Variants in GSTP1 observed in about 807,000 individuals in gnomAD.
The protein encoded by GSTP1 is glutathione S-transferase pi 1, also known as glutathione S-transferase P.
A neutral mutation model predicts 29.4 loss-of-function variants in GSTP1; 28 were observed. The ratio of observed to expected loss-of-function variants is 0.95; its 90% CI spans 0.71 to 1.30. GSTP1 has a LOEUF of 1.30. Ranked by LOEUF, GSTP1 falls within the 50% of genes most tolerant of loss-of-function variation. The probability of loss-of-function intolerance (pLI) is 0.00; values close to 1 mark genes in which losing one functional copy is unlikely to be tolerated. For synonymous variants in GSTP1, 122 were observed against 117.0 expected (o/e 1.04, Z -0.28); for missense variants, 267 against 266.1 (o/e 1.00, Z -0.02).
intron 4 of GSTP1, 125 bp from the exon 5 acceptor site, chr11:67,585,013 G>A (rs750254315): frequency 1.2e-5 from 8 of 665,900 alleles, no homozygotes; most frequent in Non-Finnish European, 1.8e-5. Flanking sequence ...ATCCTTCCAC[G>A]CACATCCTCT....
At chr11:67,584,064 G>A (rs551842856) in intron 1 of GSTP1, 70 bp from the exon 2 acceptor site, 2 of 1,301,868 alleles carry the variant, frequency 1.5e-6, no homozygotes, top group Admixed American at 1.8e-5. Flanking sequence ...GGGGAGGGGG[G>A]GCAGACTGCG....
rs8191445 is a variant in GSTP1, at chr11:67,584,203, G to A, written c.37+34G>A. 0.032 allele frequency: 50,506 copies of A among 1,557,038 alleles called. 1,027 individuals carry two copies. The highest frequency in any genetic ancestry group is 0.037 in the Non-Finnish European group (41,855 of 1,128,792). ...ATGTGTCTGGCAGGGAAGGGAGGCA[G>A]GGGCTGGGGCTGCAGCCCACAGCCC... is the stretch of plus-strand genomic sequence containing the variant. On this transcript the variant is annotated intron_variant, in intron 2 of 6. Coordinates refer to ENST00000398606, the MANE Select transcript of GSTP1 (RefSeq NM_000852.4).
intron 1 of GSTP1, 83 bp downstream of exon 1, chr11:67,583,927 C>T (rs1867420881): frequency 1.5e-6 from 1 of 676,822 alleles, no homozygotes; most frequent in South Asian, 1.6e-5. Flanking sequence ...GGCCCGGGCT[C>T]CCGGCAGGGC....
intron 5 of GSTP1, among the ~76,000 whole-genome samples, chr11:67,585,682 T>C (rs1254012263): frequency 9.9e-5 from 12 of 121,758 alleles, no homozygotes; most frequent in Admixed American, 2.3e-4. Flanking sequence ...CGTGTGCATG[T>C]GTGTGCGTGT....
Position 67,586,465 on chromosome 11 carries a change from TC to T in GSTP1, c.526del (p.Leu176CysfsTer25). 3 of 1,614,034 alleles carry T rather than the reference TC, an allele frequency of 1.9e-6. No individual in the cohort carries two copies. Among genetic ancestry groups the T allele is most frequent in the Non-Finnish European group, 2.5e-6 (3 of 1,179,956 alleles). On this transcript the variant is annotated frameshift_variant, in exon 7 of 7. Coordinates refer to ENST00000398606, the MANE Select transcript of GSTP1 (RefSeq NM_000852.4). LOFTEE classifies it high-confidence loss of function. ...CTAGCCCCTGGCTGCCTGGATGCGT[TC>T]CCCCTGCTCTCAGCATATGTGGGGC... ...EVLAPGCLDA[F>X]PLLSAYVGRL...
At chr11:67,584,053 C>T (rs771421478) in intron 1 of GSTP1, 81 bp from the exon 2 acceptor site, 2 of 978,674 alleles carry the variant, frequency 2.0e-6, no homozygotes, top group Non-Finnish European at 1.5e-6. Flanking sequence ...ACCCCGGGGG[C>T]GGGGAGGGGG....
chr11:67,585,025 C>T, intron 4 of GSTP1, 113 bp from the exon 5 acceptor site: 1 of 690,904 alleles, frequency 1.4e-6, no homozygotes. Flanking sequence ...ACATCCTCTT[C>T]CCCTCCTCCC....
rs762982963 is a variant in GSTP1 at position 67,585,261 on chromosome 11, T to C, written c.336+20T>C. 8 of 1,498,388 alleles carry C rather than the reference T, an allele frequency of 5.3e-6. No homozygotes were observed. The highest frequency in any genetic ancestry group is 1.1e-5 in the South Asian group (1 of 88,762). 92.8% of individuals were successfully genotyped at this position (1,498,388 alleles called of 1,614,324 possible). A position where few individuals can be genotyped will look rare whatever the true frequency, so the allele number is the denominator to read the frequency against. ...AACTATGTGAGCATCTGCACCAGGG[T>C]TGGGCACTGGGGGCTGAACAAAGAA... On this transcript the variant is annotated intron_variant, in intron 5 of 6. Transcript: ENST00000398606.
intron 5 of GSTP1, 87 bp from the exon 6 acceptor site, chr11:67,586,017 G>T (rs1342254460): frequency 4.3e-6 from 4 of 925,830 alleles, no homozygotes; most frequent in Non-Finnish European, 6.9e-6. Flanking sequence ...GAGAATCTGG[G>T]ACTCTGGTGT....
At position 67,584,537 on chromosome 11, in the gene GSTP1, G is replaced by A. The variant is rs780990111; in HGVS notation, c.111G>A (p.Glu37=). ...QSWKEEVVTV[E]TWQEGSLKAS... ...GGAAGGAGGAGGTGGTGACCGTGGA[G>A]ACGTGGCAGGAGGGCTCACTCAAAG... Residue 37 remains glutamate (E), a synonymous_variant, in exon 3 of 7, where the codon GAG becomes GAA. Coordinates refer to ENST00000398606, the MANE Select transcript of GSTP1 (RefSeq NM_000852.4). 7 of 1,597,344 alleles carry A rather than the reference G, an allele frequency of 4.4e-6. No individual in the cohort carries two copies. The South Asian group carries it at 5.6e-5, about 13-fold the overall frequency.
At chr11:67,586,237 C>A in intron 6 of GSTP1, 26 bp downstream of exon 6, 1 of 1,567,808 alleles carries the variant, frequency 6.4e-7, no homozygotes, top group South Asian at 1.1e-5. Flanking sequence ...CATGCTGTTC[C>A]TTCCTCGCCA....
At chr11:67,585,024 TC>T (rs1007216260) in intron 4 of GSTP1, 113 bp from the exon 5 acceptor site, 10 of 687,758 alleles carry the variant, frequency 1.5e-5, no homozygotes, top group African/African-American at 3.6e-5. Flanking sequence ...CACATCCTCT[TC>T]CCCTCCTCCC....
intron 1 of GSTP1, 78 bp downstream of exon 1, chr11:67,583,922 G>C (rs1033307009): frequency 1.5e-5 from 10 of 680,562 alleles, no homozygotes; most frequent in Non-Finnish European, 8.1e-6. Flanking sequence ...CATCAGGCCC[G>C]GGCTCCCGGC....
chr11:67,585,127 C>T lies in GSTP1; in HGVS notation c.233-11C>T, dbSNP rs1179174169. On this transcript the variant is annotated splice_polypyrimidine_tract_variant and intron_variant, in intron 4 of 6. Coordinates refer to ENST00000398606, the MANE Select transcript of GSTP1 (RefSeq NM_000852.4). Reference sequence around the variant, plus strand: ...CAGTCACGCGGCCTGCTCCCCTCCACCCAACCCCAGGGCTCTATGGGAAGG... The same window carrying T: ...CAGTCACGCGGCCTGCTCCCCTCCATCCAACCCCAGGGCTCTATGGGAAGG... 6 of 1,592,350 alleles carry T rather than the reference C, an allele frequency of 3.8e-6. No homozygotes were observed. The highest frequency in any genetic ancestry group is 1.7e-4 in the Middle Eastern group (1 of 6,038).
chr11:67,585,672 C>T (rs1565218733), intron 5 of GSTP1, among the ~76,000 whole-genome samples: 7 of 151,762 alleles, frequency 4.6e-5, no homozygotes, highest in Non-Finnish European at 5.9e-5. Context: ...TGTGCGCGTG[C>T]GTGTGCATGT....
chr11:67,586,582 T>TG lies in GSTP1; in HGVS notation c.*11dup, dbSNP rs749405294. ...AATGGCAACGGGAAACAGTGAGGGT[T>TG]GGGGGGACTCTGAGCGGGAGGCAGA... On this transcript the variant is annotated 3_prime_UTR_variant, in exon 7 of 7. Transcript: ENST00000398606. 4 of 1,606,930 alleles carry TG rather than the reference T, an allele frequency of 2.5e-6. No homozygotes were observed. The South Asian group carries it at 4.4e-5, about 18-fold the overall frequency.
Position 67,586,447 on chromosome 11 carries a change from C to A in GSTP1, c.503C>A (p.Pro168His). ...DLLLIHEVLAPGCLDAFPLLS... is the reference protein window; with the variant it reads ...DLLLIHEVLAHGCLDAFPLLS... ...CTGCTGATCCATGAGGTCCTAGCCC[C>A]TGGCTGCCTGGATGCGTTCCCCCTG... The change falls in exon 7 of 7, where the codon CCT becomes CAT. Residue 168 changes from proline to histidine, a missense_variant. Pro to His is a moderately conservative substitution (Grantham distance 77). Coordinates refer to ENST00000398606, the MANE Select transcript of GSTP1 (RefSeq NM_000852.4). 1 of 1,614,234 alleles carries A rather than the reference C, an allele frequency of 6.2e-7. No individual in the cohort carries two copies.
At chr11:67,584,059 G>A in intron 1 of GSTP1, 75 bp from the exon 2 acceptor site, 1 of 1,148,432 alleles carries the variant, frequency 8.7e-7, no homozygotes, top group Non-Finnish European at 1.2e-6. Flanking sequence ...GGGGCGGGGA[G>A]GGGGGGCAGA....
At chr11:67,583,929 C>A in intron 1 of GSTP1, 85 bp downstream of exon 1, 1 of 676,532 alleles carries the variant, frequency 1.5e-6, no homozygotes, top group Non-Finnish European at 2.7e-6. Flanking sequence ...CCCGGGCTCC[C>A]GGCAGGGCTC....
Sources: gnomAD v4.1 joint callset for allele counts (sites outside exome capture counted in the v4.1 genomes callset) on GRCh38, gnomAD v4.1.1 for gene constraint, MANE v1.5 for transcripts, NCBI Gene and HGNC (gene_info 2026-07-23, HGNC 2026-07-21) for gene names.